TADA1: variants seen among roughly 807,000 people sequenced by gnomAD.
TADA1 encodes the protein transcriptional adapter 1.
In TADA1, 23 loss-of-function variants were observed where a neutral mutation model predicts 39.3. The observed-to-expected ratio is 0.58, with a 90% CI of 0.42 to 0.83. The LOEUF (loss-of-function observed/expected upper bound fraction) is 0.83, where lower values mean the gene tolerates loss of function less well. Ranked by LOEUF, TADA1 falls within the 40% of genes least tolerant of loss-of-function variation. The pLI is 0.00. For synonymous variants in TADA1, 137 were observed against 151.8 expected (o/e 0.90, Z 0.72); for missense variants, 352 against 408.1 (o/e 0.86, Z 1.18).
In TADA1 at chr1:166,857,485, G is replaced by A; in HGVS notation, c.*82C>T. The stretch of plus-strand genomic sequence containing the variant: ...GGTTATATATACACTATACACTTCA[G>A]CCTTGAAATGTGGACCCAAAAAACA... On this transcript the variant is annotated 3_prime_UTR_variant, in exon 8 of 8. Transcript: ENST00000367874. The A allele has an allele frequency of 6.7e-7, 1 of 1,500,030 alleles. No homozygotes were observed. Among genetic ancestry groups the A allele is most frequent in the Non-Finnish European group, 9.2e-7 (1 of 1,092,478 alleles). 92.9% of individuals were successfully genotyped at this position (1,500,030 alleles called of 1,614,324 possible).
At chr1:166,857,850 C>A in intron 7 of TADA1, 131 bp from the exon 8 acceptor site, 1 of 1,051,850 alleles carries the variant, frequency 9.5e-7, no homozygotes, top group Non-Finnish European at 1.4e-6. Context: ...AAATGAATCA[C>A]CAATTGGATA....
At chr1:166,860,023 C>T (rs1305877287) in intron 6 of TADA1, among the ~76,000 whole-genome samples, 163 bp downstream of exon 6, 1 of 152,088 alleles carries the variant, frequency 6.6e-6, no homozygotes, top group Non-Finnish European at 1.5e-5. Context: ...CAAAATAATT[C>T]ACTAGATCTC....
At chr1:166,873,282 A>G (rs1337171759) in intron 1 of TADA1, among the ~76,000 whole-genome samples, 1 of 152,206 alleles carries the variant, frequency 6.6e-6, no homozygotes, top group Non-Finnish European at 1.5e-5. Context: ...AAATAAATAA[A>G]TAAATGCATA....
Position 166,872,527 on chromosome 1 carries a change from C to T in TADA1, c.75-2673G>A, listed in dbSNP as rs11809311. Among the ~76,000 whole-genome samples the T allele has an allele frequency of 5.4e-3, 823 of 152,206 alleles. 3 individuals carry two copies. Among genetic ancestry groups the T allele is most frequent in the Non-Finnish European group, 8.4e-3 (572 of 68,010 alleles). Reference sequence around the variant, plus strand: ...TCTCTACTAAAAATACAAAAATTAGCCAGGTGTGGTGGAACGCACCTGTAA... The same window carrying T: ...TCTCTACTAAAAATACAAAAATTAGTCAGGTGTGGTGGAACGCACCTGTAA... On this transcript the variant is annotated intron_variant, in intron 1 of 7. Coordinates refer to ENST00000367874, the MANE Select transcript of TADA1 (RefSeq NM_053053.4).
rs751967801 is a variant in TADA1, at chr1:166,862,348, T to C, written c.395A>G (p.Asp132Gly). The C allele has an allele frequency of 2.5e-6, 4 of 1,614,090 alleles. No homozygotes were observed. The highest frequency in any genetic ancestry group is 1.3e-5 in the African/African-American group (1 of 74,926). Residue 132 changes from aspartate to glycine, a missense_variant, in exon 5 of 8, where the codon GAT becomes GGT. Coordinates refer to ENST00000367874, the MANE Select transcript of TADA1 (RefSeq NM_053053.4). ...GGAACAAAGTTTCAAGTCGTCATCA[T>C]CTTGGGGATCCTTTGCCACAAATTG... ...AQQFVAKDPQ[D>G]DDDLKLCSHT...
intron 1 of TADA1, among the ~76,000 whole-genome samples, chr1:166,874,559 G>A (rs1198632835): frequency 6.6e-6 from 1 of 152,166 alleles, no homozygotes; most frequent in East Asian, 1.9e-4. Context: ...GCCAATGCGG[G>A]AGGACTGCTT....
intron 1 of TADA1, among the ~76,000 whole-genome samples, chr1:166,871,892 CTA>C (rs1658668811): frequency 6.6e-6 from 1 of 152,068 alleles, no homozygotes; most frequent in Admixed American, 6.5e-5. Flanking sequence ...TTTAAAAGTC[CTA>C]TGTCAGTATT....
Position 166,869,913 on chromosome 1 carries a change from T to C in TADA1, c.75-59A>G, listed in dbSNP as rs567781092. The C allele has an allele frequency of 5.0e-5, 73 of 1,457,516 alleles. No homozygotes were observed. The African/African-American group carries it at 9.4e-4, about 19-fold the overall frequency. The allele number at this position is 1,457,516 out of a possible 1,614,324, so 90.3% of individuals were successfully genotyped here. A position where few individuals can be genotyped will look rare whatever the true frequency, so the allele number is the denominator to read the frequency against. On this transcript the variant is annotated intron_variant, in intron 1 of 7. Transcript: ENST00000367874. ...ATTTGGCTGCTTCTAGTTTTTTTTG[T>C]TTGTTTTGTTTTTTTAAAGAGACGG...
intron 3 of TADA1, 155 bp downstream of exon 3, chr1:166,869,290 G>T: frequency 1.1e-4 from 50 of 448,690 alleles, no homozygotes; most frequent in Non-Finnish European, 1.6e-4. Context: ...AAAAAAAAAA[G>T]ATTCTGTAAA....
intron 4 of TADA1, chr1:166,862,617 G>A: frequency 1.7e-6 from 1 of 594,944 alleles, no homozygotes; most frequent in Non-Finnish European, 3.0e-6. Flanking sequence ...TGGATTAAGG[G>A]GAATAATGGT....
chr1:166,857,851 C>T, intron 7 of TADA1, 132 bp from the exon 8 acceptor site: 2 of 1,047,292 alleles, frequency 1.9e-6, no homozygotes, highest in South Asian at 3.3e-5. Context: ...AATGAATCAC[C>T]AATTGGATAA....
At chr1:166,870,350 G>A (rs1452453677) in intron 1 of TADA1, among the ~76,000 whole-genome samples, 1 of 152,188 alleles carries the variant, frequency 6.6e-6, no homozygotes, top group Non-Finnish European at 1.5e-5. Context: ...ACAACAAGAA[G>A]GCTGTCATCT....
At chr1:166,872,132 A>G (rs949854675) in intron 1 of TADA1, among the ~76,000 whole-genome samples, 1 of 152,246 alleles carries the variant, frequency 6.6e-6, no homozygotes, top group Non-Finnish European at 1.5e-5. Context: ...TCCCTCAACA[A>G]TACTGCTATA....
intron 3 of TADA1, among the ~76,000 whole-genome samples, chr1:166,864,938 C>G (rs775018964): frequency 1.3e-5 from 2 of 152,100 alleles, no homozygotes; most frequent in African/African-American, 2.4e-5. Flanking sequence ...TGGGAGACCC[C>G]CAGTTTAACA....
rs777728616 is a variant in TADA1, at chr1:166,862,246, T to C, written c.497A>G (p.Asn166Ser). 17 of 1,613,860 alleles carry C rather than the reference T, an allele frequency of 1.1e-5. No homozygotes were observed. The highest frequency in any genetic ancestry group is 1.3e-5 in the African/African-American group (1 of 74,908). ...AGCTGAAACAGCCTCCTCGGTGACA[T>C]TGTCCAGCCCATGCTCATAAGCAGT... ...IVTAYEHGLD[N>S]VTEEAVSAVV... is the part of the protein sequence containing the mutation. Residue 166 changes from asparagine to serine, a missense_variant, in exon 5 of 8, where the codon AAT becomes AGT. Coordinates refer to ENST00000367874, the MANE Select transcript of TADA1 (RefSeq NM_053053.4).
intron 1 of TADA1, among the ~76,000 whole-genome samples, chr1:166,871,077 A>C (rs1291785992): frequency 6.6e-6 from 1 of 151,204 alleles, no homozygotes; most frequent in African/African-American, 2.4e-5. Context: ...TAACTGGCTG[A>C]AAAAAAAATG....
intron 3 of TADA1, among the ~76,000 whole-genome samples, chr1:166,864,159 C>T (rs1176937922): frequency 6.6e-6 from 1 of 151,958 alleles, no homozygotes; most frequent in East Asian, 1.9e-4. Flanking sequence ...TTTATATTTT[C>T]AATTAATGTT....
intron 3 of TADA1, 93 bp downstream of exon 3, chr1:166,869,352 C>G: frequency 9.9e-7 from 1 of 1,012,846 alleles, no homozygotes; most frequent in Non-Finnish European, 1.5e-6. Flanking sequence ...TCAAAAACAT[C>G]TGCTTTACAA....
At position 166,863,830 on chromosome 1, in the gene TADA1, T is replaced by C. The variant is rs1658469371; in HGVS notation, c.324A>G (p.Lys108=). 6.2e-7 allele frequency: 1 copy of C among 1,612,204 alleles called. No homozygotes were observed. The highest frequency in any genetic ancestry group is 8.5e-7 in the Non-Finnish European group (1 of 1,179,632). ...CTATTAAAGAACAACCTACATCAAA[T>C]TTCTGACGAACAGAAGAAAGCTTTT... ...GKKKLSSVRQ[K]FDHRFQPQNP... The change falls in exon 4 of 8, where the codon AAA becomes AAG. Residue 108 remains lysine (K), a synonymous_variant. Transcript: ENST00000367874.
Sources: allele counts gnomAD v4.1 joint callset (sites outside exome capture counted in the v4.1 genomes callset), GRCh38; gene constraint gnomAD v4.1.1; transcripts MANE v1.5; gene names NCBI Gene and HGNC (gene_info 2026-07-23, HGNC 2026-07-21).